The following MDC1 variants were observed in gnomAD, a reference collection of about 807,000 sequenced individuals.
MDC1 encodes the protein mediator of DNA damage checkpoint 1.
MDC1 carries 81 observed loss-of-function variants against 142.5 expected under a neutral mutation model. That is an observed-to-expected ratio of 0.57 (90% CI 0.47 to 0.68). The LOEUF (loss-of-function observed/expected upper bound fraction) is 0.68, where lower values mean the gene tolerates loss of function less well. Ranked by LOEUF, MDC1 falls within the 30% of genes least tolerant of loss-of-function variation. The pLI, the probability that MDC1 is intolerant of heterozygous loss-of-function variation, is 0.00. For synonymous variants in MDC1, 797 were observed against 968.4 expected (o/e 0.82, Z 3.29); for missense variants, 2,119 against 2,547.9 (o/e 0.83, Z 3.62).
chr6:30,712,611 C>T lies in MDC1; in HGVS notation c.1331G>A (p.Arg444Gln), dbSNP rs748459364. ...GTCTCTCTCAGTGGTGGTTTGGCTT[C>T]GCTGCAGAAGGACCACACGTTGGGG... ...DMPQRVVLLQ[R>Q]SQTTTERDSD... is the part of the protein sequence containing the mutation. Residue 444 changes from arginine to glutamine, a missense_variant, in exon 5 of 15, where the codon CGA becomes CAA. By Grantham distance (43) the Arg-to-Gln change is conservative (BLOSUM62 1). Coordinates refer to ENST00000376406, the MANE Select transcript of MDC1 (RefSeq NM_014641.3). The surrounding 1 kb of genome is among the most constrained non-coding windows in gnomAD (Gnocchi z 4.7). 1.1e-5 allele frequency: 18 copies of T among 1,612,714 alleles called. 1 individual carries two copies. Among genetic ancestry groups the T allele is most frequent in the Non-Finnish European group, 1.2e-5 (14 of 1,179,910 alleles).
At chr6:30,707,233 A>T (rs965234484) in intron 9 of MDC1, 151 bp downstream of exon 9, 6 of 767,962 alleles carry the variant, frequency 7.8e-6, no homozygotes, top group Non-Finnish European at 1.3e-5. Flanking sequence ...GGTGCCGAGG[A>T]TAAAGGAATA....
chr6:30,707,940 C>G lies in MDC1; in HGVS notation c.2639G>C (p.Ser880Thr). ...CTCCCTATCTCTTTCAGGACTTGCA[C>G]TTTCCCCATTTTTGTCAGATTCTTG... ...QRQESDKNGE[S>T]ASPERDRESL... Residue 880 changes from serine (S) to threonine (T), a missense_variant, in exon 8 of 15, where the codon AGT becomes ACT. Transcript: ENST00000376406. 6.2e-7 allele frequency: 1 copy of G among 1,613,086 alleles called. No homozygotes were observed. The highest frequency in any genetic ancestry group is 1.1e-5 in the South Asian group (1 of 91,088).
Position 30,703,695 on chromosome 6 carries a change from C to G in MDC1, c.5488G>C (p.Gly1830Arg). 6.5e-7 allele frequency: 1 copy of G among 1,541,488 alleles called. No homozygotes were observed. The highest frequency in any genetic ancestry group is 8.7e-7 in the Non-Finnish European group (1 of 1,149,048). Residue 1830 changes from glycine (G) to arginine (R), a missense_variant, in exon 10 of 15, where the codon GGG (glycine) becomes CGG (arginine). Transcript: ENST00000376406. The surrounding 1 kb of genome is among the most constrained non-coding windows in gnomAD (Gnocchi z 4.4). The part of the protein sequence containing the change: ...SPPHQKQPQR[G>R]EVSQKTVIIK... ...ATCACTGTCTTCTGGGAGACTTCCC[C>G]TCTTTGGGGCTGTTTTTGATGTGGT... is the stretch of plus-strand genomic sequence containing the variant.
At position 30,715,225 on chromosome 6, in the gene MDC1, A is replaced by G; in HGVS notation, c.-3-47T>C. The G allele has an allele frequency of 6.2e-7, 1 of 1,608,432 alleles. No individual in the cohort carries two copies. The highest frequency in any genetic ancestry group is 8.5e-7 in the Non-Finnish European group (1 of 1,175,000). On this transcript the variant is annotated intron_variant, in intron 1 of 14. Transcript: ENST00000376406. The surrounding 1 kb of genome is among the most constrained non-coding windows in gnomAD (Gnocchi z 4.1). ...AATTATCCTCATTATTGGTTCACAC[A>G]AACAGCATCAGAGTTATCAGACTGA...
At chr6:30,701,898 C>CA (rs765279715) in intron 14 of MDC1, among the ~76,000 whole-genome samples, 27 of 149,584 alleles carry the variant, frequency 1.8e-4, no homozygotes, top group Non-Finnish European at 3.7e-4. Context: ...AATATTTCAG[C>CA]AAAGAAAGAG....
chr6:30,712,390 T>G lies in MDC1; in HGVS notation c.1552A>C (p.Thr518Pro). The change falls in exon 5 of 15, where the codon ACA (threonine) becomes CCA (proline). Residue 518 changes from threonine to proline, a missense_variant. By Grantham distance (38) the Thr-to-Pro change is conservative (BLOSUM62 -1). Coordinates refer to ENST00000376406, the MANE Select transcript of MDC1 (RefSeq NM_014641.3). This position sits in a 1 kb window ranked among gnomAD's most constrained non-coding sequence, Gnocchi z 4.7. ...TCCACTTGTGTGTTGATGTCCACTGTGGTGGAGGCTTGGCTTCTCTCCAGG... is the reference window on the plus strand; with the variant it reads ...TCCACTTGTGTGTTGATGTCCACTGGGGTGGAGGCTTGGCTTCTCTCCAGG... ...IHLERSQAST[T>P]VDINTQVEKE... 1 of 1,613,156 alleles carries G rather than the reference T, an allele frequency of 6.2e-7. No individual in the cohort carries two copies. The highest frequency in any genetic ancestry group is 8.5e-7 in the Non-Finnish European group (1 of 1,180,048).
chr6:30,710,742 GT>G (rs1355951391), intron 7 of MDC1, among the ~76,000 whole-genome samples: 1 of 152,124 alleles, frequency 6.6e-6, no homozygotes, highest in African/African-American at 2.4e-5. Context: ...TGGACATTTA[GT>G]TTGATTTCAT....
In MDC1 at chr6:30,715,575, G is replaced by A. The variant is rs1775545668; in HGVS notation, c.-3-397C>T. ...GGTGGACTCGAACTCTTGACCTTGGGTGATCCGCCCACCTTGGCCTCCCAA... is the reference window on the plus strand; with the variant it reads ...GGTGGACTCGAACTCTTGACCTTGGATGATCCGCCCACCTTGGCCTCCCAA... On this transcript the variant is annotated intron_variant, in intron 1 of 14. Transcript: ENST00000376406. The surrounding 1 kb of genome is among the most constrained non-coding windows in gnomAD (Gnocchi z 4.1). 6.6e-6 allele frequency among the ~76,000 whole-genome samples: 1 copy of A among 152,234 alleles called. No homozygotes were observed. Among genetic ancestry groups the A allele is most frequent in the African/African-American group, 2.4e-5 (1 of 41,466 alleles).
At chr6:30,707,279 C>T (rs1327217560) in intron 9 of MDC1, 105 bp downstream of exon 9, 1 of 1,245,332 alleles carries the variant, frequency 8.0e-7, no homozygotes, top group Non-Finnish European at 1.2e-6. Flanking sequence ...TGGAAGAAAA[C>T]TGAATAATGA....
intron 6 of MDC1, 22 bp downstream of exon 6, chr6:30,711,645 C>A: frequency 1.2e-6 from 2 of 1,612,322 alleles, no homozygotes; most frequent in Non-Finnish European, 1.7e-6. Flanking sequence ...GTACAGGATT[C>A]AAATAACACA....
intron 14 of MDC1, among the ~76,000 whole-genome samples, chr6:30,701,799 G>T (rs901704479): frequency 6.6e-6 from 1 of 152,052 alleles, no homozygotes; most frequent in African/African-American, 2.4e-5. Flanking sequence ...TAATGGCATT[G>T]TGATTATGAA....
Position 30,705,212 on chromosome 6 carries a change from G to C in MDC1, c.3971C>G (p.Thr1324Arg). The change falls in exon 10 of 15, where the codon ACA becomes AGA. Residue 1324 changes from threonine (T) to arginine (R), a missense_variant. Transcript: ENST00000376406. ...TNMSSVKTPE[T>R]VVPTAPELQI... Reference sequence around the variant, plus strand: ...GAGCTCAGGGGCTGTGGGGACAACTGTTTCAGGGGTCTTGACAGAGGACAT... The same window carrying C: ...GAGCTCAGGGGCTGTGGGGACAACTCTTTCAGGGGTCTTGACAGAGGACAT... The C allele has an allele frequency of 1.3e-6, 2 of 1,591,590 alleles. No homozygotes were observed. Among genetic ancestry groups the C allele is most frequent in the Non-Finnish European group, 1.7e-6 (2 of 1,170,134 alleles).
rs768323651 is a variant in MDC1, at chr6:30,705,467, G to C, written c.3716C>G (p.Thr1239Ser). 1 of 1,612,634 alleles carries C rather than the reference G, an allele frequency of 6.2e-7. No individual in the cohort carries two copies. The highest frequency in any genetic ancestry group is 8.5e-7 in the Non-Finnish European group (1 of 1,179,560). ...RGRKNRSSVK[T>S]PEPVVPTAPE... ...GGCTGTGGGGACAACTGGTTCAGGG[G>C]TCTTGACAGAGGATCTATTTTTTCT... Residue 1239 changes from threonine (T) to serine (S), a missense_variant, in exon 10 of 15, where the codon ACC (threonine) becomes AGC (serine). Physicochemically the swap from Thr to Ser is moderately conservative, Grantham distance 58 (BLOSUM62 1). Coordinates refer to ENST00000376406, the MANE Select transcript of MDC1 (RefSeq NM_014641.3).
intron 7 of MDC1, among the ~76,000 whole-genome samples, chr6:30,710,340 C>G (rs1476535826): frequency 6.6e-6 from 1 of 152,078 alleles, no homozygotes; most frequent in Admixed American, 6.6e-5. Context: ...CCACCCACTT[C>G]GGCTTCCCAA....
rs1021442473 is a variant in MDC1, at chr6:30,715,723, A to G, written c.-3-545T>C. 1.4e-4 allele frequency among the ~76,000 whole-genome samples: 21 copies of G among 152,238 alleles called. No homozygotes were observed. The highest frequency in any genetic ancestry group is 4.8e-4 in the African/African-American group (20 of 41,460). ...TCAGATGCAACTGCAAAAAATGATA[A>G]TAAAAGATGACATATATAGAAGCTT... On this transcript the variant is annotated intron_variant, in intron 1 of 14. Transcript: ENST00000376406. This position sits in a 1 kb window ranked among gnomAD's most constrained non-coding sequence, Gnocchi z 4.1.
Position 30,712,430 on chromosome 6 carries a change from G to C in MDC1, c.1512C>G (p.Ser504Arg). ...TTCTCTCCAGGTGGATCCCAGGTGA[G>C]CTCTTATCTGCTTCCACACTGTCAT... ...DSDDSVEADK[S>R]SPGIHLERSQ... The change falls in exon 5 of 15, where the codon AGC (serine) becomes AGG (arginine). Residue 504 changes from serine (S) to arginine (R), a missense_variant. Coordinates refer to ENST00000376406, the MANE Select transcript of MDC1 (RefSeq NM_014641.3). This position sits in a 1 kb window ranked among gnomAD's most constrained non-coding sequence, Gnocchi z 4.7. 1 of 1,613,030 alleles carries C rather than the reference G, an allele frequency of 6.2e-7. No individual in the cohort carries two copies. The highest frequency in any genetic ancestry group is 1.3e-5 in the African/African-American group (1 of 75,054).
intron 5 of MDC1, 33 bp from the exon 6 acceptor site, chr6:30,711,759 CA>C: frequency 6.3e-7 from 1 of 1,599,160 alleles, no homozygotes; most frequent in Non-Finnish European, 8.5e-7. Flanking sequence ...CAGTTTAAAA[CA>C]AAAATCATAC....
At position 30,713,334 on chromosome 6, in the gene MDC1, G is replaced by A. The variant is rs377301340; in HGVS notation, c.608C>T (p.Pro203Leu). The change falls in exon 5 of 15, where the codon CCG becomes CTG. Residue 203 changes from proline to leucine, a missense_variant. Pro to Leu is a moderately conservative substitution (Grantham distance 98). Coordinates refer to ENST00000376406, the MANE Select transcript of MDC1 (RefSeq NM_014641.3). This position sits in a 1 kb window ranked among gnomAD's most constrained non-coding sequence, Gnocchi z 4.9. ...VPESDEEGHSPVLGGLGPPFA... is the reference protein window; with the variant it reads ...VPESDEEGHSLVLGGLGPPFA... ...AGGCGGCCCAAGGCCGCCCAGGACC[G>A]GGGAATGCCCCTCTTCATCACTGTG... 8.8e-6 allele frequency: 14 copies of A among 1,585,686 alleles called. No homozygotes were observed. Among genetic ancestry groups the A allele is most frequent in the South Asian group, 2.3e-5 (2 of 87,792 alleles).
At chr6:30,701,379 G>A (rs1274895532) in intron 14 of MDC1, among the ~76,000 whole-genome samples, 8 of 151,514 alleles carry the variant, frequency 5.3e-5, no homozygotes, top group Non-Finnish European at 7.4e-5. Flanking sequence ...CCAGCCTGGC[G>A]ACAGAGTGAG....
Sources: allele counts gnomAD v4.1 joint callset (sites outside exome capture counted in the v4.1 genomes callset), GRCh38; gene constraint gnomAD v4.1.1; non-coding constraint Gnocchi (gnomAD v3.1); transcripts MANE v1.5; gene names NCBI Gene and HGNC (gene_info 2026-07-23, HGNC 2026-07-21).